Variants in SHCBP1 observed in about 807,000 individuals in gnomAD.
SHCBP1 encodes SHC SH2 domain-binding protein 1.
SHCBP1 carries 60 observed loss-of-function variants against 75.1 expected under a neutral mutation model. That is an observed-to-expected ratio of 0.80 (90% CI 0.65 to 0.99). The LOEUF is 0.99. SHCBP1 is among the 50% of genes least tolerant of loss of function. The probability of loss-of-function intolerance (pLI) is 0.00; values close to 1 mark genes in which losing one functional copy is unlikely to be tolerated. For missense variants in SHCBP1, 709 were observed against 809.4 expected (o/e 0.88, Z 1.50); for synonymous variants, 290 against 293.2 (o/e 0.99, Z 0.11).
At chr16:46,594,334 AAAC>A (rs1965100792) in intron 10 of SHCBP1, among the ~76,000 whole-genome samples, 1 of 152,200 alleles carries the variant, frequency 6.6e-6, no homozygotes, top group South Asian at 2.1e-4. Flanking sequence ...AAATGTCTCC[AAAC>A]CACATACCTG....
chr16:46,607,445 A>G (rs570755493), intron 5 of SHCBP1, among the ~76,000 whole-genome samples: 65 of 152,220 alleles, frequency 4.3e-4, no homozygotes, highest in African/African-American at 1.5e-3. Context: ...TTATTTTATT[A>G]TTATTTACTA....
At chr16:46,599,153 T>A (rs766867426) in intron 9 of SHCBP1, among the ~76,000 whole-genome samples, 3 of 152,210 alleles carry the variant, frequency 2.0e-5, no homozygotes, top group Non-Finnish European at 2.9e-5. Flanking sequence ...GAGTAGTGCT[T>A]TTAATTTCCT....
Position 46,591,059 on chromosome 16 carries a change from T to C in SHCBP1, c.1464+4493A>G, listed in dbSNP as rs546461535. ...GGAAACCATCATTCTGAGCAAACTA[T>C]CGCAAGGACAGAAAACCAAACACCG... On this transcript the variant is annotated intron_variant, in intron 10 of 12. Transcript: ENST00000303383. Among the ~76,000 whole-genome samples, 256 of 152,182 alleles carry C rather than the reference T, an allele frequency of 1.7e-3. 2 individuals are homozygous for C. Among genetic ancestry groups the C allele is most frequent in the Non-Finnish European group, 2.5e-3 (169 of 68,024 alleles).
intron 10 of SHCBP1, among the ~76,000 whole-genome samples, chr16:46,585,300 A>G (rs1181418838): frequency 2.0e-5 from 3 of 152,110 alleles, no homozygotes; most frequent in African/African-American, 7.2e-5. Flanking sequence ...ATGATGGAGT[A>G]GATGTCCCTA....
At chr16:46,606,754 A>G (rs534053362) in intron 5 of SHCBP1, among the ~76,000 whole-genome samples, 3 of 152,310 alleles carry the variant, frequency 2.0e-5, no homozygotes, top group South Asian at 4.1e-4. Context: ...ATCATAGCCC[A>G]TTTACGAAGA....
intron 8 of SHCBP1, among the ~76,000 whole-genome samples, chr16:46,601,560 A>T (rs1211415302): frequency 6.6e-6 from 1 of 152,200 alleles, no homozygotes; most frequent in Admixed American, 6.5e-5. Flanking sequence ...ATGTATCTAC[A>T]CTGGAAGAGG....
At chr16:46,602,633 A>G (rs1289408449) in intron 8 of SHCBP1, among the ~76,000 whole-genome samples, 1 of 152,250 alleles carries the variant, frequency 6.6e-6, no homozygotes, top group East Asian at 1.9e-4. Flanking sequence ...TATAACTGTG[A>G]AAAAGTTATT....
intron 5 of SHCBP1, among the ~76,000 whole-genome samples, chr16:46,605,177 T>C (rs942300755): frequency 9.2e-5 from 14 of 152,256 alleles, no homozygotes; most frequent in Admixed American, 3.3e-4. Context: ...ACTTCAAATG[T>C]ATTAATTTAT....
At chr16:46,590,923 T>A (rs1368847061) in intron 10 of SHCBP1, among the ~76,000 whole-genome samples, 3 of 152,094 alleles carry the variant, frequency 2.0e-5, no homozygotes, top group Non-Finnish European at 4.4e-5. Flanking sequence ...AACAAAAATG[T>A]CCATCAAAAA....
chr16:46,610,544 ATTTTTTTTT>A (rs60140518), intron 4 of SHCBP1, among the ~76,000 whole-genome samples: 453 of 31,102 alleles, frequency 0.015, 18 homozygotes, highest in African/African-American at 0.047. Context: ...CATGGGGTCA[ATTTTTTTTT>A]TTTTTTTTTT....
chr16:46,578,677 C>G lies in SHCBP1; in HGVS notation c.*3052G>C, dbSNP rs1222274126. ...GTTCACCACATATAAGACTTTAAAA[C>G]ATATACATATATATATTTAATCACA... On this transcript the variant is annotated 3_prime_UTR_variant, in exon 13 of 13. Transcript: ENST00000303383. Among the ~76,000 whole-genome samples the G allele has an allele frequency of 6.6e-6, 1 of 152,062 alleles. No individual in the cohort carries two copies.
intron 9 of SHCBP1, among the ~76,000 whole-genome samples, chr16:46,598,715 A>G (rs184411335): frequency 2.0e-4 from 30 of 152,324 alleles, no homozygotes; most frequent in African/African-American, 7.0e-4. Context: ...GAAGCCAAGC[A>G]CTGACTTCTC....
chr16:46,621,055 GA>G (rs1468027397), intron 1 of SHCBP1, among the ~76,000 whole-genome samples: 1 of 152,234 alleles, frequency 6.6e-6, no homozygotes, highest in African/African-American at 2.4e-5. Context: ...GGGAGATGCG[GA>G]TAGGGAAGAG....
chr16:46,611,774 A>G (rs764434776), intron 4 of SHCBP1, among the ~76,000 whole-genome samples: 4 of 152,196 alleles, frequency 2.6e-5, no homozygotes, highest in Non-Finnish European at 4.4e-5. Flanking sequence ...ATGCCTGGCC[A>G]TGTCTTTTTG....
chr16:46,586,384 A>G (rs1964954602), intron 10 of SHCBP1, among the ~76,000 whole-genome samples: 1 of 152,224 alleles, frequency 6.6e-6, no homozygotes, highest in African/African-American at 2.4e-5. Flanking sequence ...GAATCAGTGA[A>G]CTGGAAGACA....
chr16:46,585,735 C>G (rs1964946346), intron 10 of SHCBP1, among the ~76,000 whole-genome samples: 1 of 152,214 alleles, frequency 6.6e-6, no homozygotes, highest in South Asian at 2.1e-4. Context: ...CAACCACTCC[C>G]TCCCTACTGG....
At chr16:46,589,562 C>T (rs1165789866) in intron 10 of SHCBP1, among the ~76,000 whole-genome samples, 2 of 152,202 alleles carry the variant, frequency 1.3e-5, no homozygotes, top group African/African-American at 4.8e-5. Context: ...CATAAGTGAA[C>T]TCCCATTCAA....
At position 46,617,732 on chromosome 16, in the gene SHCBP1, CAG is replaced by C. The variant is rs1965524204; in HGVS notation, c.287_288del (p.Ser96Ter). ...AACTCAGCTGTGAATTCCTGTACCTCAGAGGCCTTGCAGTCAGCTACAAACAA... is the reference window on the plus strand; with the variant it reads ...AACTCAGCTGTGAATTCCTGTACCTCAGGCCTTGCAGTCAGCTACAAACAA... Reference protein sequence around the residue: ...QDYILADCKASEVQEFTAEFL... With the variant: ...QDYILADCKAXEVQEFTAEFL... On this transcript the variant is annotated frameshift_variant, in exon 3 of 13. Transcript: ENST00000303383. LOFTEE classifies it high-confidence loss of function. 2 of 1,612,448 alleles carry C rather than the reference CAG, an allele frequency of 1.2e-6. No homozygotes were observed. Among genetic ancestry groups the C allele is most frequent in the Non-Finnish European group, 8.5e-7 (1 of 1,179,952 alleles).
At chr16:46,609,645 T>C (rs1417201885) in intron 4 of SHCBP1, among the ~76,000 whole-genome samples, 1 of 151,572 alleles carries the variant, frequency 6.6e-6, no homozygotes, top group African/African-American at 2.4e-5. Flanking sequence ...AGAGAGGCAT[T>C]TTGCCATGTT....
Sources: gnomAD v4.1 joint callset for allele counts (sites outside exome capture counted in the v4.1 genomes callset) on GRCh38, gnomAD v4.1.1 for gene constraint, MANE v1.5 for transcripts, NCBI Gene and HGNC (gene_info 2026-07-23, HGNC 2026-07-21) for gene names.